Variants in NCKAP5 observed in about 807,000 individuals in gnomAD.
The protein encoded by NCKAP5 is nck-associated protein 5.
Under a neutral mutation model 167.0 loss-of-function variants are expected in NCKAP5, and 92 were observed. The ratio of observed to expected loss-of-function variants is 0.55; its 90% confidence interval spans 0.47 to 0.66. The LOEUF is 0.66. Ranked by LOEUF, NCKAP5 falls within the 30% of genes least tolerant of loss-of-function variation. The pLI is 0.00. For synonymous variants in NCKAP5, 891 were observed against 877.4 expected, an observed-to-expected ratio of 1.02 and a Z score of -0.27; for missense variants, 2,378 against 2,315.0, an observed-to-expected ratio of 1.03 and a Z score of -0.56.
At chr2:133,190,670 G>A (rs995053039) in intron 5 of NCKAP5, among the ~76,000 whole-genome samples, 4 of 152,182 alleles carry the variant, frequency 2.6e-5, no homozygotes, top group African/African-American at 7.2e-5. Flanking sequence ...GAAATGGGGA[G>A]AGGATTCCCT....
chr2:132,935,980 CTTT>C (rs200071013), intron 8 of NCKAP5, among the ~76,000 whole-genome samples: 1 of 141,786 alleles, frequency 7.1e-6, no homozygotes, highest in Non-Finnish European at 1.5e-5. Context: ...TATTTTTTTT[CTTT>C]TTTTTTTTTT....
At chr2:133,645,531 A>G in the NCKAP5 span, among the ~76,000 whole-genome samples, 1 of 152,198 alleles carries the variant, frequency 6.6e-6, no homozygotes, top group Admixed American at 6.5e-5. Context: ...ATGAAGCAGT[A>G]CTACAATCAA....
At chr2:133,466,324 A>G (rs1692585729) in intron 3 of NCKAP5, among the ~76,000 whole-genome samples, 2 of 149,120 alleles carry the variant, frequency 1.3e-5, no homozygotes, top group East Asian at 2.0e-4. Context: ...AGTTGTAGAT[A>G]TGCGGCATTA....
intron 3 of NCKAP5, among the ~76,000 whole-genome samples, chr2:133,468,252 C>T (rs1340225796): frequency 7.1e-6 from 1 of 140,162 alleles, no homozygotes; most frequent in African/African-American, 2.7e-5. Context: ...TTATTTCTGC[C>T]TTCATTTCGT....
At chr2:132,909,924 T>C (rs1694312246) in intron 8 of NCKAP5, among the ~76,000 whole-genome samples, 1 of 152,144 alleles carries the variant, frequency 6.6e-6, no homozygotes, top group Non-Finnish European at 1.5e-5. Context: ...GCTTAAAGAA[T>C]CTTATTTAAT....
intron 6 of NCKAP5, among the ~76,000 whole-genome samples, chr2:133,055,754 G>A (rs1281119716): frequency 1.3e-5 from 2 of 152,070 alleles, no homozygotes; most frequent in Non-Finnish European, 2.9e-5. Flanking sequence ...ATAGCCAGAT[G>A]CAGAGCTGTA....
At chr2:132,993,260 TTGAAG>T (rs2077497549) in intron 7 of NCKAP5, among the ~76,000 whole-genome samples, 2 of 152,198 alleles carry the variant, frequency 1.3e-5, no homozygotes, top group African/African-American at 4.8e-5. Flanking sequence ...TATTTGTGAT[TTGAAG>T]TGATTTTCAG....
chr2:133,493,420 G>T (rs1050852118), intron 3 of NCKAP5, among the ~76,000 whole-genome samples: 3 of 152,166 alleles, frequency 2.0e-5, no homozygotes, highest in African/African-American at 7.2e-5. Flanking sequence ...CCCTCACCAT[G>T]ACTTTGGCAA....
intron 4 of NCKAP5, among the ~76,000 whole-genome samples, chr2:133,258,116 C>A (rs2150360358): frequency 6.6e-6 from 1 of 152,292 alleles, no homozygotes; most frequent in African/African-American, 2.4e-5. Context: ...AGCATTTGGA[C>A]TATACAGTGC....
intron 3 of NCKAP5, among the ~76,000 whole-genome samples, chr2:133,387,066 G>A (rs1687031026): frequency 6.6e-6 from 1 of 152,156 alleles, no homozygotes; most frequent in African/African-American, 2.4e-5. Context: ...ATATAGTTAT[G>A]TGTGAATTTG....
intron 4 of NCKAP5, among the ~76,000 whole-genome samples, chr2:133,245,575 C>A (rs533706704): frequency 5.9e-5 from 9 of 151,938 alleles, no homozygotes; most frequent in Non-Finnish European, 1.3e-4. Context: ...TTGTGAAAAA[C>A]CAGTATACTA....
intron 16 of NCKAP5, among the ~76,000 whole-genome samples, chr2:132,771,533 C>T (rs1023627117): frequency 1.3e-5 from 2 of 152,088 alleles, no homozygotes; most frequent in Admixed American, 6.5e-5. Flanking sequence ...CCTAAGTGTA[C>T]AGTGTTTATG....
At chr2:132,977,767 T>C (rs573712877) in intron 7 of NCKAP5, among the ~76,000 whole-genome samples, 1 of 152,340 alleles carries the variant, frequency 6.6e-6, no homozygotes, top group African/African-American at 2.4e-5. Flanking sequence ...TTCTAGTACC[T>C]GCTGTCTCTA....
At chr2:133,212,419 G>A (rs769608738) in intron 5 of NCKAP5, among the ~76,000 whole-genome samples, 1 of 152,148 alleles carries the variant, frequency 6.6e-6, no homozygotes. Flanking sequence ...GGTCTTTGGA[G>A]TGCAATGGCA....
intron 3 of NCKAP5, among the ~76,000 whole-genome samples, chr2:133,336,799 G>T (rs1683238547): frequency 6.6e-6 from 1 of 152,228 alleles, no homozygotes; most frequent in East Asian, 1.9e-4. Context: ...TTTCTCTTCT[G>T]GCTACACGGG....
Position 132,783,205 on chromosome 2 carries a change from T to C in NCKAP5, c.3606A>G (p.Thr1202=). ...DSKNPASMEI[T]AGERNVTLPD... is the part of the protein sequence containing the mutation. ...GTAGGGTCACATTTCTTTCACCCGC[T>C]GTGATCTCCATGCTTGCTGGATTCT... Residue 1202 remains threonine, a synonymous_variant, in exon 14 of 20, where the codon ACA becomes ACG. Coordinates refer to ENST00000409261, the MANE Select transcript of NCKAP5 (RefSeq NM_207363.3). 1 of 1,614,036 alleles carries C rather than the reference T, an allele frequency of 6.2e-7. No homozygotes were observed. Among genetic ancestry groups the C allele is most frequent in the South Asian group, 1.1e-5 (1 of 91,082 alleles).
chr2:133,128,006 C>A (rs377194256), intron 6 of NCKAP5, among the ~76,000 whole-genome samples: 2 of 152,174 alleles, frequency 1.3e-5, no homozygotes, highest in African/African-American at 4.8e-5. Context: ...CCTTCTTGTC[C>A]TGTTCCTCCA....
the NCKAP5 span, among the ~76,000 whole-genome samples, chr2:133,638,824 C>T: frequency 7.4e-3 from 1,096 of 147,420 alleles, 14 homozygotes; most frequent in African/African-American, 0.026. Flanking sequence ...CACCACTGCG[C>T]TCCAGCCTGG....
chr2:132,910,079 A>G (rs1694324800), intron 8 of NCKAP5, among the ~76,000 whole-genome samples: 1 of 152,164 alleles, frequency 6.6e-6, no homozygotes, highest in African/African-American at 2.4e-5. Context: ...GTTTTCTGAT[A>G]CCAGCAACCA....
Sources: gnomAD v4.1 joint callset for allele counts (sites outside exome capture counted in the v4.1 genomes callset) on GRCh38, gnomAD v4.1.1 for gene constraint, MANE v1.5 for transcripts, NCBI Gene and HGNC (gene_info 2026-07-23, HGNC 2026-07-21) for gene names.